TEX15: variants seen among roughly 807,000 people sequenced by gnomAD.
The protein encoded by TEX15 is testis expressed 15, meiosis and synapsis associated.
A neutral mutation model predicts 237.3 loss-of-function variants in TEX15; 171 were observed. The observed-to-expected ratio is 0.72, with a 90% confidence interval of 0.64 to 0.82. The LOEUF is 0.82. TEX15 is among the 40% of genes least tolerant of loss of function. TEX15 has a pLI of 0.00. For missense variants in TEX15, 3,750 were observed against 3,646.5 expected, an observed-to-expected ratio of 1.03 and a Z score of -0.73; for synonymous variants, 1,338 against 1,269.8, an observed-to-expected ratio of 1.05 and a Z score of -1.14.
intron 4 of TEX15, among the ~76,000 whole-genome samples, chr8:30,873,840 A>G (rs1423899932): frequency 1.3e-5 from 2 of 152,320 alleles, no homozygotes; most frequent in Middle Eastern, 3.4e-3. Flanking sequence ...TTTTTGTCTA[A>G]TTGGGCAAAT....
chr8:30,860,074 CA>C lies in TEX15; in HGVS notation c.541-18del, dbSNP rs754067991. The stretch of plus-strand genomic sequence containing the variant: ...AAAGAGAACCTAAAAAAAAAAAAGC[CA>C]AAAAAAAAGTACGTAAAAATATACC... On this transcript the variant is annotated intron_variant, in intron 5 of 10. Transcript: ENST00000643185. 7.5e-4 allele frequency: 1,028 copies of C among 1,366,774 alleles called. No individual in the cohort carries two copies. Among genetic ancestry groups the C allele is most frequent in the South Asian group, 2.1e-3 (137 of 65,244 alleles). 84.7% of individuals were successfully genotyped at this position (1,366,774 alleles called of 1,614,324 possible).
intron 6 of TEX15, among the ~76,000 whole-genome samples, chr8:30,859,252 ATAATT>A (rs1000100350): frequency 6.6e-6 from 1 of 151,980 alleles, no homozygotes; most frequent in African/African-American, 2.4e-5. Flanking sequence ...TAATCCATAT[ATAATT>A]TAATATTCTG....
At chr8:30,901,475 G>A (rs1809005672) in intron 1 of TEX15, among the ~76,000 whole-genome samples, 1 of 152,182 alleles carries the variant, frequency 6.6e-6, no homozygotes. Context: ...TTCATAATAA[G>A]AATCCAAGTG....
chr8:30,886,324 T>C (rs540722534), intron 3 of TEX15, among the ~76,000 whole-genome samples: 2 of 152,158 alleles, frequency 1.3e-5, no homozygotes, highest in South Asian at 2.1e-4. Flanking sequence ...CCCTGGGGAG[T>C]ATCCCTGTTA....
rs1807659536 is a variant in TEX15 at position 30,847,863 on chromosome 8, T to C, written c.2304A>G (p.Pro768=). 5.6e-6 allele frequency: 9 copies of C among 1,613,968 alleles called. No homozygotes were observed. Among genetic ancestry groups the C allele is most frequent in the Non-Finnish European group, 7.6e-6 (9 of 1,179,950 alleles). Residue 768 remains proline, a synonymous_variant, in exon 8 of 11, where the codon CCA becomes CCG. Coordinates refer to ENST00000643185, the MANE Select transcript of TEX15 (RefSeq NM_001350162.2). ...TTTCTTTGGCCTGGGGTATGTCTTT[T>C]GGTTTCGGGAAAGCTTCAGTTATAA... is the stretch of plus-strand genomic sequence containing the variant. ...ASIITEAFPK[P]KDIPQAKEMF... is the part of the protein sequence containing the mutation.
In TEX15 at chr8:30,910,306, CATACTAAAGCCAT is replaced by C. The variant is rs1354509169; in HGVS notation, c.-86+2560_-86+2572del. 8.7e-4 allele frequency among the ~76,000 whole-genome samples: 133 copies of C among 152,192 alleles called. 1 individual carries two copies. The South Asian group carries it at 0.027, about 31-fold the overall frequency. The stretch of plus-strand genomic sequence containing the variant: ...ACTGATTTTGTAAAACATTTTTTAA[CATACTAAAGCCAT>C]ATACTAAAGCGGAAATTATCACTAG... On this transcript the variant is annotated intron_variant, in intron 1 of 10. Coordinates refer to ENST00000643185, the MANE Select transcript of TEX15 (RefSeq NM_001350162.2).
intron 2 of TEX15, among the ~76,000 whole-genome samples, chr8:30,895,005 A>C (rs1808868723): frequency 6.6e-6 from 1 of 152,162 alleles, no homozygotes; most frequent in Non-Finnish European, 1.5e-5. Flanking sequence ...CAGCCTCCAG[A>C]ACTGTGACAA....
chr8:30,906,539 G>A (rs529763250), intron 1 of TEX15, among the ~76,000 whole-genome samples: 2 of 150,300 alleles, frequency 1.3e-5, no homozygotes, highest in East Asian at 3.9e-4. Flanking sequence ...GTGGTGAGCC[G>A]AGATTGTGCC....
At position 30,877,861 on chromosome 8, in the gene TEX15, A is replaced by G. The variant is rs566787623; in HGVS notation, c.137-2759T>C. Among the ~76,000 whole-genome samples the G allele has an allele frequency of 2.6e-5, 4 of 152,284 alleles. No individual in the cohort carries two copies. The South Asian group carries it at 8.3e-4, about 32-fold the overall frequency. On this transcript the variant is annotated intron_variant, in intron 3 of 10. Transcript: ENST00000643185. ...TGTGTGTGTAGTTCTATGTAATTTT[A>G]TCACACGTAGATTTGTGTAACAATC...
In TEX15 at chr8:30,846,852, C is replaced by A. The variant is rs1435136170; in HGVS notation, c.3315G>T (p.Leu1105=). The A allele has an allele frequency of 6.2e-7, 1 of 1,613,902 alleles. No individual in the cohort carries two copies. Among genetic ancestry groups the A allele is most frequent in the Non-Finnish European group, 8.5e-7 (1 of 1,179,838 alleles). Residue 1105 remains leucine (L), a synonymous_variant, in exon 8 of 11, where the codon CTG becomes CTT. Coordinates refer to ENST00000643185, the MANE Select transcript of TEX15 (RefSeq NM_001350162.2). ...CCATCTCCCCGTTATCAAGTGCTAA[C>A]AGACCTTCCCAACTGATACGAGACT... ...ALKSRISWEG[L]LALDNGEMEV...
chr8:30,843,429 G>A lies in TEX15; in HGVS notation c.6738C>T (p.Ser2246=). ...DHLWIIIEMI[S]SKVNFIKNNE... ...TGTTCTTAATAAAATTAACCTTTGA[G>A]GAGATCATTTCTATGATAATCCACA... Residue 2246 remains serine, a synonymous_variant, in exon 8 of 11, where the codon TCC becomes TCT. Coordinates refer to ENST00000643185, the MANE Select transcript of TEX15 (RefSeq NM_001350162.2). The A allele has an allele frequency of 6.2e-7, 1 of 1,613,074 alleles. No homozygotes were observed. Among genetic ancestry groups the A allele is most frequent in the Non-Finnish European group, 8.5e-7 (1 of 1,179,620 alleles).
Position 30,848,851 on chromosome 8 carries a change from C to T in TEX15, c.1316G>A (p.Arg439Lys), listed in dbSNP as rs1324995137. The T allele has an allele frequency of 1.2e-6, 2 of 1,613,942 alleles. No homozygotes were observed. Among genetic ancestry groups the T allele is most frequent in the African/African-American group, 2.7e-5 (2 of 74,924 alleles). The stretch of plus-strand genomic sequence containing the variant: ...ACTCTGTTCTCCCATACTTTCTTCT[C>T]TCCTCATCAGTCTTGGGTCTTTGAT... ...KSIKDPRLMR[R>K]EESMGEQSST... The change falls in exon 8 of 11, where the codon AGA becomes AAA. Residue 439 changes from arginine to lysine, a missense_variant. Physicochemically the swap from Arg to Lys is conservative, Grantham distance 26 (BLOSUM62 2). Transcript: ENST00000643185.
intron 1 of TEX15, among the ~76,000 whole-genome samples, chr8:30,902,598 A>G (rs905060380): frequency 6.6e-6 from 1 of 152,206 alleles, no homozygotes; most frequent in East Asian, 1.9e-4. Flanking sequence ...GGGCAATAAA[A>G]TATTTATAGT....
intron 4 of TEX15, among the ~76,000 whole-genome samples, chr8:30,868,228 T>A (rs1378020222): frequency 6.6e-6 from 1 of 151,958 alleles, no homozygotes; most frequent in African/African-American, 2.4e-5. Context: ...GTATAGATAA[T>A]CCCCAATTCT....
chr8:30,881,624 TTATTA>T (rs1275317170), intron 3 of TEX15, among the ~76,000 whole-genome samples: 7,741 of 121,656 alleles, frequency 0.064, 2,032 homozygotes, highest in African/African-American at 0.26. Context: ...TTATTTTTTT[TTATTA>T]TTTTTTTTTT....
Position 30,844,610 on chromosome 8 carries a change from C to CT in TEX15, c.5556dup (p.Ala1853SerfsTer12). 1 of 1,613,244 alleles carries CT rather than the reference C, an allele frequency of 6.2e-7. No individual in the cohort carries two copies. The highest frequency in any genetic ancestry group is 2.2e-5 in the East Asian group (1 of 44,854). On this transcript the variant is annotated frameshift_variant, in exon 8 of 11. Transcript: ENST00000643185. LOFTEE classifies it high-confidence loss of function. Reference sequence around the variant, plus strand: ...CTTCTTTTGTAAACAGAATCTTTTGCTTTTTCCGCTTGTTTAACTTTCCAC... The same window carrying CT: ...CTTCTTTTGTAAACAGAATCTTTTGCTTTTTTCCGCTTGTTTAACTTTCCAC...
chr8:30,886,909 C>T (rs971724701), intron 3 of TEX15: 8 of 289,562 alleles, frequency 2.8e-5, no homozygotes, highest in Admixed American at 1.5e-4. Flanking sequence ...GTTGGTTGGT[C>T]TTCTCTCCAG....
chr8:30,895,147 T>C (rs1193035455), intron 2 of TEX15, among the ~76,000 whole-genome samples: 1 of 151,954 alleles, frequency 6.6e-6, no homozygotes, highest in African/African-American at 2.4e-5. Context: ...AGCAAGAGCA[T>C]AATCTGTATG....
chr8:30,890,749 T>C (rs914784378), intron 2 of TEX15: 5 of 152,198 alleles, frequency 3.3e-5, no homozygotes, highest in Non-Finnish European at 7.3e-5. Context: ...AAAGAAAATA[T>C]TCTTTATATT....
Sources: allele counts gnomAD v4.1 joint callset (sites outside exome capture counted in the v4.1 genomes callset), GRCh38; gene constraint gnomAD v4.1.1; transcripts MANE v1.5; gene names NCBI Gene and HGNC (gene_info 2026-07-23, HGNC 2026-07-21).